Variants in DACH1 observed in about 807,000 individuals in gnomAD.
The protein encoded by DACH1 is dachshund family transcription factor 1.
Under a neutral mutation model 54.2 loss-of-function variants are expected in DACH1, and 12 were observed. The observed-to-expected ratio is 0.22, with a 90% confidence interval of 0.14 to 0.36. The LOEUF (loss-of-function observed/expected upper bound fraction) is 0.36, where lower values mean the gene tolerates loss of function less well. DACH1 is among the 10% of genes least tolerant of loss of function. The pLI is 1.00. For synonymous variants in DACH1, 386 were observed against 366.2 expected (o/e 1.05, Z -0.62); for missense variants, 805 against 929.8 (o/e 0.87, Z 1.75).
At chr13:71,482,049 G>A (rs993208940) in intron 7 of DACH1, among the ~76,000 whole-genome samples, 2 of 152,126 alleles carry the variant, frequency 1.3e-5, no homozygotes, top group Non-Finnish European at 2.9e-5. Flanking sequence ...TACTGAAGTC[G>A]GTTAATGACA....
intron 3 of DACH1, among the ~76,000 whole-genome samples, chr13:71,588,961 A>T (rs1393299182): frequency 6.6e-6 from 1 of 152,060 alleles, no homozygotes; most frequent in Non-Finnish European, 1.5e-5. Flanking sequence ...TGTCCATCAT[A>T]ATCAAGACAT....
chr13:71,649,083 A>G (rs549604106), intron 2 of DACH1, among the ~76,000 whole-genome samples: 1 of 152,310 alleles, frequency 6.6e-6, no homozygotes, highest in East Asian at 1.9e-4. Flanking sequence ...CCACATATAC[A>G]ACAGTGGTCC....
At chr13:71,728,044 T>G (rs1165660225) in intron 1 of DACH1, among the ~76,000 whole-genome samples, 3 of 152,040 alleles carry the variant, frequency 2.0e-5, no homozygotes, top group African/African-American at 7.2e-5. Context: ...GTCCAGGATT[T>G]CTACAATTAA....
chr13:71,667,777 G>T (rs1470191027), intron 2 of DACH1, among the ~76,000 whole-genome samples: 2 of 151,986 alleles, frequency 1.3e-5, no homozygotes, highest in Admixed American at 6.6e-5. Context: ...TTAAAGGTTA[G>T]GTATGATGAG....
chr13:71,788,189 C>T (rs1336755444), intron 1 of DACH1, among the ~76,000 whole-genome samples: 1 of 152,126 alleles, frequency 6.6e-6, no homozygotes, highest in Non-Finnish European at 1.5e-5. Context: ...ATGTGGAAGA[C>T]AGACGTCAGG....
chr13:71,595,270 G>C (rs1874012900), intron 3 of DACH1, among the ~76,000 whole-genome samples: 1 of 152,052 alleles, frequency 6.6e-6, no homozygotes, highest in Admixed American at 6.6e-5. Flanking sequence ...AATCAGAGTA[G>C]AGAAGAATCC....
chr13:71,694,482 T>A (rs1881715666), intron 1 of DACH1, among the ~76,000 whole-genome samples: 1 of 152,208 alleles, frequency 6.6e-6, no homozygotes, highest in African/African-American at 2.4e-5. Context: ...CACCAAACAT[T>A]GCTGTTAATA....
At chr13:71,818,673 C>T (rs1031934416) in intron 1 of DACH1, among the ~76,000 whole-genome samples, 6 of 152,180 alleles carry the variant, frequency 3.9e-5, no homozygotes, top group African/African-American at 1.4e-4. Context: ...TGGATCGTAG[C>T]TAATATTCAC....
chr13:71,653,710 CAA>C (rs1302335070), intron 2 of DACH1, among the ~76,000 whole-genome samples: 2 of 152,134 alleles, frequency 1.3e-5, no homozygotes, highest in African/African-American at 4.8e-5. Context: ...CTATAGATAA[CAA>C]GAGATTACTG....
chr13:71,529,183 G>GTTTTTTT (rs10707603), intron 6 of DACH1, among the ~76,000 whole-genome samples: 4 of 80,982 alleles, frequency 4.9e-5, no homozygotes, highest in African/African-American at 1.7e-4. Flanking sequence ...TGTGATTTGG[G>GTTTTTTT]TTTTTTTTTT....
chr13:71,687,970 C>T (rs1881268083), intron 1 of DACH1, among the ~76,000 whole-genome samples: 1 of 152,196 alleles, frequency 6.6e-6, no homozygotes, highest in South Asian at 2.1e-4. Context: ...TCAGAGACTT[C>T]ATTGTGGACA....
intron 3 of DACH1, among the ~76,000 whole-genome samples, chr13:71,608,613 A>C (rs1318715442): frequency 6.6e-6 from 1 of 152,094 alleles, no homozygotes; most frequent in Non-Finnish European, 1.5e-5. Context: ...AACTTATATC[A>C]ACAGTGAATA....
chr13:71,761,563 G>A (rs140827277), intron 1 of DACH1, among the ~76,000 whole-genome samples: 51 of 152,170 alleles, frequency 3.4e-4, no homozygotes, highest in African/African-American at 1.2e-3. Context: ...ATACTTACTA[G>A]CCTTTAAAAA....
rs541559707 is a variant in DACH1 at position 71,635,796 on chromosome 13, T to C, written c.965-5079A>G. The stretch of plus-strand genomic sequence containing the variant: ...CTTTTACATTTTTCTTTTCTTTTCT[T>C]TTTTGAGAGAGTCTCACTCTGTCAC... On this transcript the variant is annotated intron_variant, in intron 2 of 10. Coordinates refer to ENST00000613252, the MANE Select transcript of DACH1 (RefSeq NM_080759.6). 3.0e-4 allele frequency among the ~76,000 whole-genome samples: 45 copies of C among 152,246 alleles called. 1 individual carries two copies. In the South Asian group the frequency reaches 8.9e-3, roughly 30 times the overall value.
intron 2 of DACH1, among the ~76,000 whole-genome samples, chr13:71,662,269 A>G (rs1444943277): frequency 6.6e-6 from 1 of 152,074 alleles, no homozygotes; most frequent in Non-Finnish European, 1.5e-5. Context: ...AACATCAAAT[A>G]CTATTGTTAA....
chr13:71,498,972 T>C (rs1879675778), intron 6 of DACH1, among the ~76,000 whole-genome samples: 1 of 152,164 alleles, frequency 6.6e-6, no homozygotes, highest in East Asian at 1.9e-4. Context: ...ATCATTATCT[T>C]AGCAAACTCA....
intron 4 of DACH1, among the ~76,000 whole-genome samples, chr13:71,572,362 T>C (rs61957826): frequency 0.025 from 3,873 of 152,296 alleles, 59 homozygotes; most frequent in Middle Eastern, 0.051. Flanking sequence ...TTTGAATTTA[T>C]GGAAACTTCC....
intron 1 of DACH1, among the ~76,000 whole-genome samples, chr13:71,691,800 T>C (rs769404651): frequency 2.0e-5 from 3 of 152,152 alleles, no homozygotes; most frequent in Non-Finnish European, 2.9e-5. Flanking sequence ...CTCAAGTAGC[T>C]CATGGTCTAT....
At chr13:71,759,134 TGA>T (rs1178067575) in intron 1 of DACH1, among the ~76,000 whole-genome samples, 1 of 152,068 alleles carries the variant, frequency 6.6e-6, no homozygotes, top group African/African-American at 2.4e-5. Flanking sequence ...TGCTTTTACT[TGA>T]GAGTCTGACA....
Sources: gnomAD v4.1 joint callset for allele counts (sites outside exome capture counted in the v4.1 genomes callset) on GRCh38, gnomAD v4.1.1 for gene constraint, MANE v1.5 for transcripts, NCBI Gene and HGNC (gene_info 2026-07-23, HGNC 2026-07-21) for gene names.